GOLGA3: variants seen among roughly 807,000 people sequenced by gnomAD.
The protein encoded by GOLGA3 is golgin A3.
In GOLGA3, 75 loss-of-function variants were observed where a neutral mutation model predicts 169.4. The observed-to-expected ratio is 0.44, with a 90% CI of 0.37 to 0.54. The LOEUF is 0.54. Ranked by LOEUF, GOLGA3 falls within the 20% of genes least tolerant of loss-of-function variation. GOLGA3 has a pLI of 0.00. For missense variants in GOLGA3, 1,899 were observed against 1,930.0 expected, an observed-to-expected ratio of 0.98 and a Z score of 0.30; for synonymous variants, 824 against 822.4, an observed-to-expected ratio of 1.00 and a Z score of -0.03.
rs750942426 is a variant in GOLGA3, at chr12:132,780,946, A to C, written c.3466-32T>G. ...CAGATTGCAGGAGGACAGATAAGGAAGGACGTCGAATTACAAACACACAAG... is the reference window on the plus strand; with the variant it reads ...CAGATTGCAGGAGGACAGATAAGGACGGACGTCGAATTACAAACACACAAG... On this transcript the variant is annotated intron_variant, in intron 17 of 23. Coordinates refer to ENST00000450791, the MANE Select transcript of GOLGA3 (RefSeq NM_001389683.1). 34 of 1,519,134 alleles carry C rather than the reference A, an allele frequency of 2.2e-5. No homozygotes were observed. The South Asian group carries it at 3.1e-4, about 14-fold the overall frequency. 94.1% of individuals were successfully genotyped at this position (1,519,134 alleles called of 1,614,324 possible).
At chr12:132,781,005 T>A in intron 17 of GOLGA3, 91 bp from the exon 18 acceptor site, 1 of 883,330 alleles carries the variant, frequency 1.1e-6, no homozygotes, top group Non-Finnish European at 1.9e-6. Flanking sequence ...ACACGCCACA[T>A]CACAGGCACA....
At chr12:132,821,773 G>C (rs965613314) in intron 2 of GOLGA3, among the ~76,000 whole-genome samples, 1 of 141,528 alleles carries the variant, frequency 7.1e-6, no homozygotes, top group African/African-American at 2.5e-5. Flanking sequence ...AGAATGGCAT[G>C]AACCCGGGAG....
chr12:132,803,904 C>T (rs1027575660), intron 7 of GOLGA3, among the ~76,000 whole-genome samples: 1 of 152,196 alleles, frequency 6.6e-6, no homozygotes, highest in African/African-American at 2.4e-5. Context: ...CTACACCCCT[C>T]GGGCTTTGTC....
At chr12:132,802,651 G>T (rs10732708) in intron 7 of GOLGA3, among the ~76,000 whole-genome samples, 105,536 of 152,004 alleles carry the variant, frequency 0.69, 36,909 homozygotes, top group East Asian at 0.8. Flanking sequence ...AAAACAAAAA[G>T]AAAATTTAAA....
chr12:132,823,577 G>A (rs897772054), intron 1 of GOLGA3, among the ~76,000 whole-genome samples: 2 of 152,200 alleles, frequency 1.3e-5, no homozygotes, highest in Non-Finnish European at 2.9e-5. Context: ...CCTGCGGTCA[G>A]GAGTTTGAGA....
chr12:132,818,421 G>A (rs1950081876), intron 2 of GOLGA3, among the ~76,000 whole-genome samples: 1 of 152,132 alleles, frequency 6.6e-6, no homozygotes, highest in Non-Finnish European at 1.5e-5. Flanking sequence ...CACCACACCT[G>A]GCTAATTTTT....
At position 132,816,579 on chromosome 12, in the gene GOLGA3, A is replaced by G. The variant is rs1949968960; in HGVS notation, c.367T>C (p.Ser123Pro). ...EGSVRKEALQ[S>P]LRLSLPMQET... ...TGCATAGGAAGACTGAGTCTGAGAGACTGCAAAGCTTCTTTTCTAACACTG... is the reference window on the plus strand; with the variant it reads ...TGCATAGGAAGACTGAGTCTGAGAGGCTGCAAAGCTTCTTTTCTAACACTG... Residue 123 changes from serine to proline, a missense_variant, in exon 3 of 24, where the codon TCT becomes CCT. Ser to Pro is a moderately conservative substitution (Grantham distance 74, BLOSUM62 -1). Coordinates refer to ENST00000450791, the MANE Select transcript of GOLGA3 (RefSeq NM_001389683.1). The G allele has an allele frequency of 6.2e-7, 1 of 1,613,928 alleles. No homozygotes were observed. Among genetic ancestry groups the G allele is most frequent in the African/African-American group, 1.3e-5 (1 of 74,940 alleles).
chr12:132,796,621 C>T lies in GOLGA3; in HGVS notation c.2018G>A (p.Arg673Lys), dbSNP rs1169457962. ...KTMVEEDLQR[R>K]LEEFEGERER... is the part of the protein sequence containing the mutation. ...CCTCTCACCTTCAAACTCTTCCAGCCTCCTCTGAAGGTCCTCCTCCACCAT... is the reference window on the plus strand; with the variant it reads ...CCTCTCACCTTCAAACTCTTCCAGCTTCCTCTGAAGGTCCTCCTCCACCAT... Residue 673 changes from arginine to lysine, a missense_variant, in exon 10 of 24, where the codon AGG becomes AAG. Coordinates refer to ENST00000450791, the MANE Select transcript of GOLGA3 (RefSeq NM_001389683.1). The T allele has an allele frequency of 6.2e-7, 1 of 1,614,120 alleles. No individual in the cohort carries two copies. The highest frequency in any genetic ancestry group is 1.1e-5 in the South Asian group (1 of 91,090).
chr12:132,801,369 G>T (rs1014059159), intron 8 of GOLGA3, among the ~76,000 whole-genome samples: 10 of 152,146 alleles, frequency 6.6e-5, no homozygotes, highest in African/African-American at 2.4e-4. Flanking sequence ...ACAGCAGAGT[G>T]GGGAGGCTGA....
chr12:132,777,721 G>A lies in GOLGA3; in HGVS notation c.3667C>T (p.Leu1223=), dbSNP rs1286373546. ...TGCACCAGGTGTTCCTTGGCCTGCA[G>A]CTCCTTCTTCACCTCACTCAGCTCC... ...SLELSEVKKE[L]QAKEHLVQKL... The change falls in exon 19 of 24, where the codon CTG becomes TTG. Residue 1223 remains leucine, a synonymous_variant. Transcript: ENST00000450791. This position sits in a 1 kb window ranked among gnomAD's most constrained non-coding sequence, Gnocchi z 4.7. The A allele has an allele frequency of 6.2e-7, 1 of 1,614,118 alleles. No homozygotes were observed. Among genetic ancestry groups the A allele is most frequent in the East Asian group, 2.2e-5 (1 of 44,876 alleles).
At chr12:132,821,753 C>T (rs1950224438) in intron 2 of GOLGA3, among the ~76,000 whole-genome samples, 1 of 143,822 alleles carries the variant, frequency 7.0e-6, no homozygotes, top group Admixed American at 7.1e-5. Context: ...ACTCAGGAGG[C>T]TGGGGCAAGA....
chr12:132,782,601 G>A (rs1040577466), intron 16 of GOLGA3, 108 bp from the exon 17 acceptor site: 2 of 857,482 alleles, frequency 2.3e-6, no homozygotes, highest in Non-Finnish European at 3.9e-6. Context: ...CTTAGGCCAG[G>A]CGCAGAGGCT....
chr12:132,807,024 G>A (rs999801490), intron 6 of GOLGA3, among the ~76,000 whole-genome samples, 153 bp downstream of exon 6: 3 of 152,144 alleles, frequency 2.0e-5, no homozygotes, highest in African/African-American at 7.2e-5. Flanking sequence ...CTGACAAGTA[G>A]ACAAAAAACG....
At chr12:132,802,460 C>A (rs1593320373) in intron 7 of GOLGA3, among the ~76,000 whole-genome samples, 1 of 129,732 alleles carries the variant, frequency 7.7e-6, no homozygotes, top group Non-Finnish European at 1.6e-5. Context: ...GATCCCCCAC[C>A]ACCAAAAAAA....
rs761871420 is a variant in GOLGA3, at chr12:132,804,816, C to T, written c.1497G>A (p.Ala499=). Residue 499 remains alanine, a synonymous_variant, in exon 7 of 24, where the codon GCG becomes GCA. Coordinates refer to ENST00000450791, the MANE Select transcript of GOLGA3 (RefSeq NM_001389683.1). This position sits in a 1 kb window ranked among gnomAD's most constrained non-coding sequence, Gnocchi z 4.1. Reference sequence around the variant, plus strand: ...CCACCTGCAAGTCGTTGTTGGACGACGCCAGGCTGGCATTTTTTGCCTCCA... The same window carrying T: ...CCACCTGCAAGTCGTTGTTGGACGATGCCAGGCTGGCATTTTTTGCCTCCA... ...NMLEAKNASL[A]SSNNDLQVAE... 8.0e-5 allele frequency: 129 copies of T among 1,614,106 alleles called. No homozygotes were observed. Among genetic ancestry groups the T allele is most frequent in the Admixed American group, 4.8e-4 (29 of 60,008 alleles).
chr12:132,824,221 A>G (rs2136812141), intron 1 of GOLGA3, among the ~76,000 whole-genome samples: 1 of 152,336 alleles, frequency 6.6e-6, no homozygotes, highest in South Asian at 2.1e-4. Context: ...GGTCACCCGT[A>G]AAAGAGGAAA....
At chr12:132,815,341 C>T (rs1250704655) in intron 3 of GOLGA3, among the ~76,000 whole-genome samples, 2 of 152,200 alleles carry the variant, frequency 1.3e-5, no homozygotes, top group Non-Finnish European at 2.9e-5. Context: ...AGGGGCATCC[C>T]GCAAAGGTGT....
intron 18 of GOLGA3, among the ~76,000 whole-genome samples, chr12:132,779,772 C>CA (rs2045455152): frequency 8.9e-6 from 1 of 112,450 alleles, no homozygotes; most frequent in African/African-American, 3.4e-5. Flanking sequence ...TGCATGGACA[C>CA]CCCCCCCGTG....
intron 8 of GOLGA3, 29 bp from the exon 9 acceptor site, chr12:132,798,506 G>T: frequency 6.3e-7 from 1 of 1,582,676 alleles, no homozygotes; most frequent in Non-Finnish European, 8.5e-7. Flanking sequence ...AAAGTAAAAA[G>T]TTGCTCAATT....
Sources: allele counts gnomAD v4.1 joint callset (sites outside exome capture counted in the v4.1 genomes callset), GRCh38; gene constraint gnomAD v4.1.1; non-coding constraint Gnocchi (gnomAD v3.1); transcripts MANE v1.5; gene names NCBI Gene and HGNC (gene_info 2026-07-23, HGNC 2026-07-21).